The following SPRED2 variants were observed in gnomAD, a reference collection of about 807,000 sequenced individuals.
SPRED2 encodes sprouty related EVH1 domain containing 2.
A neutral mutation model predicts 43.0 loss-of-function variants in SPRED2; 47 were observed. The observed-to-expected ratio is 1.09, with a 90% CI of 0.87 to 1.40. The LOEUF (loss-of-function observed/expected upper bound fraction) is 1.40, where lower values mean the gene tolerates loss of function less well. SPRED2 is among the 40% of genes most tolerant of loss of function. The probability of loss-of-function intolerance (pLI) is 0.00; values close to 1 mark genes in which losing one functional copy is unlikely to be tolerated. For synonymous variants in SPRED2, 225 were observed against 225.7 expected (o/e 1.00, Z 0.03); for missense variants, 561 against 586.4 (o/e 0.96, Z 0.45).
rs777990292 is a variant in SPRED2, at chr2:65,313,849, G to A, written c.909C>T (p.Asp303=). Residue 303 remains aspartate (D), a synonymous_variant, in exon 6 of 6, where the codon GAC becomes GAT. Transcript: ENST00000356388. ...SRGKSRRRKE[D]GERSRCVYCR... is the part of the protein sequence containing the mutation. ...AGTACACGCACCGCGAGCGCTCTCC[G>A]TCCTCCTTCCGCCGCCGCGACTTGC... The A allele has an allele frequency of 6.2e-7, 1 of 1,611,650 alleles. No homozygotes were observed. The highest frequency in any genetic ancestry group is 8.5e-7 in the Non-Finnish European group (1 of 1,179,926).
chr2:65,432,226 G>T lies in SPRED2; in HGVS notation c.-239C>A, dbSNP rs1668896531. 3.6e-6 allele frequency: 2 copies of T among 549,188 alleles called. No individual in the cohort carries two copies. The highest frequency in any genetic ancestry group is 6.5e-6 in the Non-Finnish European group (2 of 306,196). 34.0% of individuals were successfully genotyped at this position (549,188 alleles called of 1,614,324 possible). On this transcript the variant is annotated 5_prime_UTR_variant, in exon 1 of 6. Coordinates refer to ENST00000356388, the MANE Select transcript of SPRED2 (RefSeq NM_181784.3). ...ACGCCGCAGCGCCGTGGGGAGAGGCGGGCGGAGGCTCCGGGGGCTCGGGAG... is the reference window on the plus strand; with the variant it reads ...ACGCCGCAGCGCCGTGGGGAGAGGCTGGCGGAGGCTCCGGGGGCTCGGGAG...
In SPRED2 at chr2:65,350,636, G is replaced by A. The variant is rs139248457; in HGVS notation, c.27-5740C>T. On this transcript the variant is annotated intron_variant, in intron 1 of 5. Coordinates refer to ENST00000356388, the MANE Select transcript of SPRED2 (RefSeq NM_181784.3). ...TTGTAAAAACAGGGCTTCCTGTCCC[G>A]GGATCACGCAATATGCAAAAGAGGC... 5.4e-3 allele frequency among the ~76,000 whole-genome samples: 819 copies of A among 152,274 alleles called. 9 individuals are homozygous for A. The highest frequency in any genetic ancestry group is 0.018 in the African/African-American group (753 of 41,542).
chr2:65,372,054 C>G (rs1207968304), intron 1 of SPRED2, among the ~76,000 whole-genome samples: 6 of 151,162 alleles, frequency 4.0e-5, no homozygotes, highest in Non-Finnish European at 8.8e-5. Flanking sequence ...GCCTGGAAGA[C>G]AGAGCGAGAC....
intron 1 of SPRED2, among the ~76,000 whole-genome samples, chr2:65,369,076 C>CAA (rs35695479): frequency 3.2e-4 from 48 of 150,704 alleles, no homozygotes; most frequent in Middle Eastern, 3.4e-3. Context: ...GACCATGTCT[C>CAA]AAAAAAAAAT....
intron 1 of SPRED2, among the ~76,000 whole-genome samples, chr2:65,387,722 A>G (rs546898580): frequency 2.4e-4 from 37 of 152,322 alleles, no homozygotes; most frequent in African/African-American, 8.9e-4. Flanking sequence ...GATTTACCAT[A>G]AACATATAAT....
At chr2:65,410,195 C>T (rs1349787300) in intron 1 of SPRED2, among the ~76,000 whole-genome samples, 1 of 152,012 alleles carries the variant, frequency 6.6e-6, no homozygotes, top group East Asian at 1.9e-4. Context: ...TTTGATCATG[C>T]CACTGCACTG....
intron 1 of SPRED2, among the ~76,000 whole-genome samples, chr2:65,430,745 G>A (rs1284478742): frequency 6.6e-6 from 1 of 152,012 alleles, no homozygotes; most frequent in Non-Finnish European, 1.5e-5. Context: ...AGCCCGCGCC[G>A]CCGCTACCTT....
Position 65,401,926 on chromosome 2 carries a change from A to AGCGCGC in SPRED2, c.26+30030_26+30035dup, listed in dbSNP as rs143714447. Among the ~76,000 whole-genome samples, 981 of 121,852 alleles carry AGCGCGC rather than the reference A, an allele frequency of 8.1e-3. 16 individuals are homozygous for AGCGCGC. Among genetic ancestry groups the AGCGCGC allele is most frequent in the African/African-American group, 0.031 (795 of 25,298 alleles). 79.9% of individuals were successfully genotyped at this position (121,852 alleles called of 152,430 possible). On this transcript the variant is annotated intron_variant, in intron 1 of 5. Transcript: ENST00000356388. Reference sequence around the variant, plus strand: ...TAAATTGTAAAACGATCAGAATATTAGCGCGCGCGCGCACACACACACACA... The same window carrying AGCGCGC: ...TAAATTGTAAAACGATCAGAATATTAGCGCGCGCGCGCGCGCGCACACACACACACA...
chr2:65,379,097 T>C (rs180959897), intron 1 of SPRED2, among the ~76,000 whole-genome samples: 19 of 152,230 alleles, frequency 1.2e-4, no homozygotes, highest in Middle Eastern at 3.4e-3. Context: ...ACGAGAGCTA[T>C]AGTAAAAACT....
intron 4 of SPRED2, among the ~76,000 whole-genome samples, chr2:65,318,287 C>G (rs1191991221): frequency 1.3e-5 from 2 of 152,076 alleles, no homozygotes; most frequent in African/African-American, 2.4e-5. Flanking sequence ...TGAAAATTGC[C>G]CGGTCTCCGG....
In SPRED2 at chr2:65,313,228, T is replaced by C; in HGVS notation, c.*273A>G. 1 of 1,180,120 alleles carries C rather than the reference T, an allele frequency of 8.5e-7. No individual in the cohort carries two copies. Among genetic ancestry groups the C allele is most frequent in the Non-Finnish European group, 1.0e-6 (1 of 953,294 alleles). 73.1% of individuals were successfully genotyped at this position (1,180,120 alleles called of 1,614,324 possible). On this transcript the variant is annotated 3_prime_UTR_variant, in exon 6 of 6. Coordinates refer to ENST00000356388, the MANE Select transcript of SPRED2 (RefSeq NM_181784.3). ...AGTTAGCTTGGTTACAGATTGTTAA[T>C]AGTACAGGAGTCTGTGGCGAAGGTT...
rs1394640227 is a variant in SPRED2, at chr2:65,313,336, C to T, written c.*165G>A. 4 of 1,463,800 alleles carry T rather than the reference C, an allele frequency of 2.7e-6. No individual in the cohort carries two copies. The highest frequency in any genetic ancestry group is 2.4e-5 in the East Asian group (1 of 41,592). The allele number at this position is 1,463,800 out of a possible 1,614,324, so 90.7% of individuals were successfully genotyped here. A position where few individuals can be genotyped will look rare whatever the true frequency, so the allele number is the denominator to read the frequency against. ...CGGCAGGGGGAGTGGAGAGTCTACC[C>T]GGCAGCGTCCCTGGCTGGAATGGTG... On this transcript the variant is annotated 3_prime_UTR_variant, in exon 6 of 6. Transcript: ENST00000356388.
chr2:65,390,077 C>A (rs1675595040), intron 1 of SPRED2, among the ~76,000 whole-genome samples: 1 of 152,190 alleles, frequency 6.6e-6, no homozygotes, highest in Non-Finnish European at 1.5e-5. Context: ...TTCGCAGAGA[C>A]CAGAACCCTC....
At chr2:65,308,532 G>A, downstream of SPRED2, 1 of 985,430 alleles carries the variant, frequency 1.0e-6, no homozygotes. Flanking sequence ...TCTGTGCCTT[G>A]AAAGAGGTTG....
chr2:65,431,386 C>T (rs1414302316), intron 1 of SPRED2, among the ~76,000 whole-genome samples: 2 of 151,760 alleles, frequency 1.3e-5, no homozygotes, highest in African/African-American at 2.4e-5. Context: ...CACGCCGGCC[C>T]GCGCGGGGAC....
intron 2 of SPRED2, among the ~76,000 whole-genome samples, chr2:65,342,154 T>C (rs1254789667): frequency 6.7e-6 from 1 of 149,390 alleles, no homozygotes; most frequent in Non-Finnish European, 1.5e-5. Flanking sequence ...TTTATATGTA[T>C]ATTTTATATA....
At chr2:65,382,025 C>T (rs1675384957) in intron 1 of SPRED2, among the ~76,000 whole-genome samples, 1 of 152,170 alleles carries the variant, frequency 6.6e-6, no homozygotes, top group South Asian at 2.1e-4. Context: ...CTTGAGTAAC[C>T]ACTCCAAAGG....
chr2:65,403,234 C>T (rs979584014), intron 1 of SPRED2, among the ~76,000 whole-genome samples: 2 of 152,184 alleles, frequency 1.3e-5, no homozygotes, highest in African/African-American at 2.4e-5. Flanking sequence ...GAAGGGGTTA[C>T]GGATAGTAGA....
At chr2:65,339,103 G>A (rs1432419370) in intron 2 of SPRED2, among the ~76,000 whole-genome samples, 1 of 123,354 alleles carries the variant, frequency 8.1e-6, no homozygotes, top group East Asian at 2.5e-4. Context: ...AGGTTGGGCG[G>A]GGGGTCAGCG....
Sources: allele counts gnomAD v4.1 joint callset (sites outside exome capture counted in the v4.1 genomes callset), GRCh38; gene constraint gnomAD v4.1.1; transcripts MANE v1.5; gene names NCBI Gene and HGNC (gene_info 2026-07-23, HGNC 2026-07-21).